The following PHRF1 variants were observed in gnomAD, a reference collection of about 807,000 sequenced individuals.
PHRF1 encodes the protein PHD and RING finger domain-containing protein 1.
In PHRF1, 53 loss-of-function variants were observed where a neutral mutation model predicts 128.9. That is an observed-to-expected ratio of 0.41 (90% CI 0.33 to 0.52). The LOEUF is 0.52. Among genes scored for constraint, PHRF1 ranks in the 20% least tolerant of loss-of-function variants. The pLI is 0.21. For synonymous variants in PHRF1, 1,178 were observed against 980.6 expected (o/e 1.20, Z -3.76); for missense variants, 2,503 against 2,284.5 (o/e 1.10, Z -1.95).
Position 597,837 on chromosome 11 carries a change from C to T in PHRF1, c.894+267C>T, listed in dbSNP as rs1204646153. On this transcript the variant is annotated intron_variant, in intron 8 of 17. Coordinates refer to ENST00000264555, the MANE Select transcript of PHRF1 (RefSeq NM_001286581.2). The surrounding 1 kb of genome is among the most constrained non-coding windows in gnomAD (Gnocchi z 6.5). ...TGGCGGGGTGGGGGCTCTAGGAAACCCCCCTTGTTCCCCAGGCCCCATGCC... is the reference window on the plus strand; with the variant it reads ...TGGCGGGGTGGGGGCTCTAGGAAACTCCCCTTGTTCCCCAGGCCCCATGCC... Among the ~76,000 whole-genome samples, 1 of 152,118 alleles carries T rather than the reference C, an allele frequency of 6.6e-6. No homozygotes were observed. The highest frequency in any genetic ancestry group is 1.5e-5 in the Non-Finnish European group (1 of 67,986).
Position 611,068 on chromosome 11 carries a change from A to G in PHRF1, c.4792A>G (p.Lys1598Glu). The G allele has an allele frequency of 6.2e-7, 1 of 1,612,908 alleles. No homozygotes were observed. The stretch of plus-strand genomic sequence containing the variant: ...GGAGGAGTACAAGGACATCCTGCGC[A>G]AGGCCGTGCAGAAGGTGGGCTGTGT... The part of the protein sequence containing the change: ...TKEEYKDILR[K>E]AVQKICHSKS... The change falls in exon 17 of 18, where the codon AAG becomes GAG. Residue 1598 changes from lysine to glutamate, a missense_variant. Transcript: ENST00000264555.
Position 609,123 on chromosome 11 carries a change from T to C in PHRF1, c.3667T>C (p.Leu1223=). 2 of 1,606,424 alleles carry C rather than the reference T, an allele frequency of 1.2e-6. No individual in the cohort carries two copies. ...AGACCTCCCCACCAGGTTGCCAGCCTTGGGGGAAGCACATGTCTCGCCGGA... is the reference window on the plus strand; with the variant it reads ...AGACCTCCCCACCAGGTTGCCAGCCCTGGGGGAAGCACATGTCTCGCCGGA... ...REDLPTRLPA[L]GEAHVSPEVA... The change falls in exon 14 of 18, where the codon TTG becomes CTG. Residue 1223 remains leucine, a synonymous_variant. Coordinates refer to ENST00000264555, the MANE Select transcript of PHRF1 (RefSeq NM_001286581.2).
In PHRF1 at chr11:607,704, C is replaced by G; in HGVS notation, c.2248C>G (p.Pro750Ala). The change falls in exon 14 of 18, where the codon CCC becomes GCC. Residue 750 changes from proline to alanine, a missense_variant. Transcript: ENST00000264555. ...EPGVHTGSSR[P>A]PAPSSHGSLA... The stretch of plus-strand genomic sequence containing the variant: ...CGGGGTGCACACGGGCAGCTCCCGG[C>G]CCCCAGCCCCCAGCTCCCATGGCAG... 6.2e-7 allele frequency: 1 copy of G among 1,609,858 alleles called. No individual in the cohort carries two copies. Among genetic ancestry groups the G allele is most frequent in the Non-Finnish European group, 8.5e-7 (1 of 1,178,016 alleles).
chr11:610,747 A>AC lies in PHRF1; in HGVS notation c.4665dup (p.Lys1556GlnfsTer152). On this transcript the variant is annotated frameshift_variant, in exon 16 of 18. Coordinates refer to ENST00000264555, the MANE Select transcript of PHRF1 (RefSeq NM_001286581.2). LOFTEE classifies it high-confidence loss of function. Reference sequence around the variant, plus strand: ...GGCCCCCAGGCTAGCTGCGGAGAAAACCAAGAAGGAGGAGGTGAGTCCTGC... The same window carrying AC: ...GGCCCCCAGGCTAGCTGCGGAGAAAACCCAAGAAGGAGGAGGTGAGTCCTGC... The AC allele has an allele frequency of 6.2e-7, 1 of 1,601,178 alleles. No homozygotes were observed. Among genetic ancestry groups the AC allele is most frequent in the Non-Finnish European group, 8.5e-7 (1 of 1,179,676 alleles).
intron 10 of PHRF1, among the ~76,000 whole-genome samples, chr11:602,093 G>A (rs561000861): frequency 6.6e-6 from 1 of 151,976 alleles, no homozygotes. Flanking sequence ...GCTCTGAGGA[G>A]TGACACAAGC....
At position 597,327 on chromosome 11, in the gene PHRF1, AG is replaced by A; in HGVS notation, c.719-63del. ...GGGCTGCTACTTGGCCGGCAGCCAC[AG>A]GGGGAGCCGTTGGGGGAGGCGTGTG... On this transcript the variant is annotated intron_variant, in intron 7 of 17. Coordinates refer to ENST00000264555, the MANE Select transcript of PHRF1 (RefSeq NM_001286581.2). The surrounding 1 kb of genome is among the most constrained non-coding windows in gnomAD (Gnocchi z 6.5). The A allele has an allele frequency of 6.5e-7, 1 of 1,544,592 alleles. No homozygotes were observed. Among genetic ancestry groups the A allele is most frequent in the Non-Finnish European group, 8.8e-7 (1 of 1,141,690 alleles).
chr11:607,579 G>C lies in PHRF1; in HGVS notation c.2123G>C (p.Ser708Thr), dbSNP rs1442722969. 1 of 1,612,390 alleles carries C rather than the reference G, an allele frequency of 6.2e-7. No homozygotes were observed. Among genetic ancestry groups the C allele is most frequent in the Non-Finnish European group, 8.5e-7 (1 of 1,179,818 alleles). Residue 708 changes from serine to threonine, a missense_variant, in exon 14 of 18, where the codon AGT becomes ACT. By Grantham distance (58) the Ser-to-Thr change is moderately conservative. Coordinates refer to ENST00000264555, the MANE Select transcript of PHRF1 (RefSeq NM_001286581.2). Reference sequence around the variant, plus strand: ...CACGGGCAGAGCATTGAGATCCCCAGTGCCTGCATCAGCCGACTGACTGGC... The same window carrying C: ...CACGGGCAGAGCATTGAGATCCCCACTGCCTGCATCAGCCGACTGACTGGC... ...PAHGQSIEIP[S>T]ACISRLTGRE... is the part of the protein sequence containing the mutation.
rs867774477 is a variant in PHRF1, at chr11:601,591, C to T, written c.1042C>T (p.Pro348Ser). ...KRKTRRRKKV[P>S]GRKKTPSGPS... ...TTCCTTAGGAAGACGGAAGAAAGTG[C>T]CGGGAAGAAAGAAAACCCCGTCCGG... Residue 348 changes from proline (P) to serine (S), a missense_variant, in exon 10 of 18, where the codon CCG (proline) becomes TCG (serine). Physicochemically the swap from Pro to Ser is moderately conservative, Grantham distance 74. Coordinates refer to ENST00000264555, the MANE Select transcript of PHRF1 (RefSeq NM_001286581.2). 10 of 1,613,682 alleles carry T rather than the reference C, an allele frequency of 6.2e-6. No individual in the cohort carries two copies. The highest frequency in any genetic ancestry group is 7.6e-6 in the Non-Finnish European group (9 of 1,179,864).
At chr11:584,252 T>A (rs1854390260) in intron 3 of PHRF1, among the ~76,000 whole-genome samples, 2 of 152,308 alleles carry the variant, frequency 1.3e-5, no homozygotes, top group South Asian at 4.1e-4. Flanking sequence ...CCGCACCAGT[T>A]CTGGCGTTGC....
In PHRF1 at chr11:596,914, C is replaced by G. The variant is rs1472656905; in HGVS notation, c.621-9C>G. 1 of 1,613,138 alleles carries G rather than the reference C, an allele frequency of 6.2e-7. No homozygotes were observed. The highest frequency in any genetic ancestry group is 8.5e-7 in the Non-Finnish European group (1 of 1,179,354). On this transcript the variant is annotated splice_polypyrimidine_tract_variant and intron_variant, in intron 6 of 17. Coordinates refer to ENST00000264555, the MANE Select transcript of PHRF1 (RefSeq NM_001286581.2). ...CACCCGGATGCTTTGGCCCTGCTCT[C>G]TCCTGTAGGTACCACATGGAATGCT...
intron 4 of PHRF1, among the ~76,000 whole-genome samples, chr11:589,761 G>A (rs1854823049): frequency 6.6e-6 from 1 of 152,246 alleles, no homozygotes; most frequent in African/African-American, 2.4e-5. Flanking sequence ...TCTGCAAACG[G>A]GCACGGAGCA....
chr11:593,852 C>T (rs760178830), intron 6 of PHRF1, among the ~76,000 whole-genome samples: 2 of 152,190 alleles, frequency 1.3e-5, no homozygotes, highest in African/African-American at 2.4e-5. Flanking sequence ...GCCGTCCCTC[C>T]TTTCTCACGA....
chr11:606,915 G>C, intron 13 of PHRF1, 151 bp from the exon 14 acceptor site: 1 of 1,279,552 alleles, frequency 7.8e-7, no homozygotes, highest in Non-Finnish European at 1.1e-6. Flanking sequence ...GCAGCTCTCC[G>C]GGTGTGGAAA....
In PHRF1 at chr11:605,713, G is replaced by A; in HGVS notation, c.1443G>A (p.Val481=). 1.9e-6 allele frequency: 3 copies of A among 1,611,016 alleles called. No individual in the cohort carries two copies. Among genetic ancestry groups the A allele is most frequent in the East Asian group, 2.2e-5 (1 of 44,884 alleles). Residue 481 remains valine, a synonymous_variant, in exon 12 of 18, where the codon GTG becomes GTA. Transcript: ENST00000264555. Reference sequence around the variant, plus strand: ...AGCCCGTGGCCAGGCCCGTCTCCGTGGGGCTTTCCAGGTGTGTGAGGGCAG... The same window carrying A: ...AGCCCGTGGCCAGGCCCGTCTCCGTAGGGCTTTCCAGGTGTGTGAGGGCAG... ...SHQPVARPVS[V]GLSRRRLPAA... is the part of the protein sequence containing the mutation.
rs1318394634 is a variant in PHRF1, at chr11:591,929, T to C, written c.504+462T>C. On this transcript the variant is annotated intron_variant, in intron 5 of 17. Coordinates refer to ENST00000264555, the MANE Select transcript of PHRF1 (RefSeq NM_001286581.2). ...ACCCGGCTGTTTTTTTTTTTTTTTT[T>C]CCCGAGACAAGAGTCTCGCTCTTTT... is the stretch of plus-strand genomic sequence containing the variant. 8.4e-4 allele frequency among the ~76,000 whole-genome samples: 124 copies of C among 146,782 alleles called. 1 individual carries two copies. Among genetic ancestry groups the C allele is most frequent in the Non-Finnish European group, 1.5e-3 (102 of 67,500 alleles).
intron 4 of PHRF1, among the ~76,000 whole-genome samples, chr11:587,818 G>T (rs1467857717): frequency 6.6e-6 from 1 of 152,138 alleles, no homozygotes; most frequent in Non-Finnish European, 1.5e-5. Context: ...CTTGACATGT[G>T]GTTCTCTCAG....
At chr11:605,757 G>T in intron 12 of PHRF1, 33 bp downstream of exon 12, 1 of 1,583,920 alleles carries the variant, frequency 6.3e-7, no homozygotes. Flanking sequence ...GGGGAGGTGG[G>T]GGCAGCAGTT....
At chr11:610,071 G>A (rs1003459467) in intron 14 of PHRF1, 125 bp from the exon 15 acceptor site, 2 of 1,254,952 alleles carry the variant, frequency 1.6e-6, no homozygotes, top group Non-Finnish European at 1.1e-6. Flanking sequence ...GGTGCTGGGG[G>A]TGGATCTGAG....
rs1171619835 is a variant in PHRF1 at position 581,486 on chromosome 11, T to C, written c.-21-6T>C. On this transcript the variant is annotated splice_polypyrimidine_tract_variant and splice_region_variant and intron_variant, in intron 1 of 17. Coordinates refer to ENST00000264555, the MANE Select transcript of PHRF1 (RefSeq NM_001286581.2). ...TTGGAAGTTGCTTGGCTCTTCTTTCTTTCAGAGCTGAGCTCAATGTGCAGC... is the reference window on the plus strand; with the variant it reads ...TTGGAAGTTGCTTGGCTCTTCTTTCCTTCAGAGCTGAGCTCAATGTGCAGC... The C allele has an allele frequency of 6.2e-7, 1 of 1,612,300 alleles. No individual in the cohort carries two copies. The highest frequency in any genetic ancestry group is 1.1e-5 in the South Asian group (1 of 90,952).
Sources: allele counts gnomAD v4.1 joint callset (sites outside exome capture counted in the v4.1 genomes callset), GRCh38; gene constraint gnomAD v4.1.1; non-coding constraint Gnocchi (gnomAD v3.1); transcripts MANE v1.5; gene names NCBI Gene and HGNC (gene_info 2026-07-23, HGNC 2026-07-21).